Variants in TMEM132C observed in about 807,000 individuals in gnomAD.
The protein encoded by TMEM132C is transmembrane protein 132C, also known as protein phosphatase 1, regulatory subunit 152.
TMEM132C carries 29 observed loss-of-function variants against 61.4 expected under a neutral mutation model. The ratio of observed to expected loss-of-function variants is 0.47; its 90% CI spans 0.35 to 0.64. The LOEUF (loss-of-function observed/expected upper bound fraction) is 0.64. TMEM132C is among the 30% of genes least tolerant of loss of function. The pLI, the probability that TMEM132C is intolerant of heterozygous loss-of-function variation, is 0.00. For missense variants in TMEM132C, 1,408 were observed against 1,476.9 expected (o/e 0.95, Z 0.76); for synonymous variants, 656 against 633.1 (o/e 1.04, Z -0.54).
chr12:128,558,627 C>T (rs1034499383), intron 3 of TMEM132C, among the ~76,000 whole-genome samples: 1 of 152,270 alleles, frequency 6.6e-6, no homozygotes, highest in Non-Finnish European at 1.5e-5. Flanking sequence ...CACATGCCAA[C>T]CACTGAGCTA....
chr12:128,325,404 C>T (rs188269611), intron 1 of TMEM132C, among the ~76,000 whole-genome samples: 10 of 152,194 alleles, frequency 6.6e-5, no homozygotes, highest in Admixed American at 1.3e-4. Context: ...GATCACCATT[C>T]GCCGTTTGCT....
At chr12:128,692,042 G>A (rs935000041) in intron 5 of TMEM132C, among the ~76,000 whole-genome samples, 3 of 146,236 alleles carry the variant, frequency 2.1e-5, no homozygotes, top group Non-Finnish European at 4.5e-5. Flanking sequence ...CTATCCAGCT[G>A]TCTACCCATT....
chr12:128,644,223 G>C (rs1439318187), intron 4 of TMEM132C, among the ~76,000 whole-genome samples: 1 of 152,188 alleles, frequency 6.6e-6, no homozygotes, highest in African/African-American at 2.4e-5. Context: ...ATGTATGCTT[G>C]TCATACAACC....
Position 128,270,754 on chromosome 12 carries a change from G to T in TMEM132C, c.85+3267G>T, listed in dbSNP as rs552577317. Among the ~76,000 whole-genome samples, 8 of 152,094 alleles carry T rather than the reference G, an allele frequency of 5.3e-5. No individual in the cohort carries two copies. In the East Asian group the frequency reaches 1.5e-3, roughly 29 times the overall value. On this transcript the variant is annotated intron_variant, in intron 1 of 8. Coordinates refer to ENST00000435159, the MANE Select transcript of TMEM132C (RefSeq NM_001136103.3). ...CTTGTCCCTTCTTATCCCTCAAGTC[G>T]AAATTCCTTACTGTGTTTTAGCCTC...
At chr12:128,620,219 T>A (rs1482988444) in intron 4 of TMEM132C, among the ~76,000 whole-genome samples, 1 of 116,658 alleles carries the variant, frequency 8.6e-6, no homozygotes, top group Non-Finnish European at 1.6e-5. Context: ...GGCAACAGAA[T>A]GAGACCCTGT....
chr12:128,389,081 T>C (rs2135997907), intron 1 of TMEM132C, among the ~76,000 whole-genome samples: 1 of 152,140 alleles, frequency 6.6e-6, no homozygotes, highest in Middle Eastern at 3.4e-3. Flanking sequence ...CAGAAATGAG[T>C]CCGGGGTACC....
At position 128,342,163 on chromosome 12, in the gene TMEM132C, C is replaced by T. The variant is rs554667552; in HGVS notation, c.86-72569C>T. 1.0e-3 allele frequency among the ~76,000 whole-genome samples: 154 copies of T among 152,218 alleles called. 1 individual carries two copies. The highest frequency in any genetic ancestry group is 3.7e-3 in the African/African-American group (153 of 41,558). On this transcript the variant is annotated intron_variant, in intron 1 of 8. Coordinates refer to ENST00000435159, the MANE Select transcript of TMEM132C (RefSeq NM_001136103.3). Reference sequence around the variant, plus strand: ...AGCTGGGACTACAGGTGCACAACACCACGCCCGGCTAATTTTTGTATTTTT... The same window carrying T: ...AGCTGGGACTACAGGTGCACAACACTACGCCCGGCTAATTTTTGTATTTTT...
chr12:128,455,932 G>A (rs184189629), intron 2 of TMEM132C, among the ~76,000 whole-genome samples: 20 of 152,326 alleles, frequency 1.3e-4, no homozygotes, highest in African/African-American at 3.8e-4. Context: ...ATCTTGTGCT[G>A]AGTGTTTATA....
intron 1 of TMEM132C, among the ~76,000 whole-genome samples, chr12:128,324,531 A>G (rs1872442126): frequency 6.6e-6 from 1 of 152,198 alleles, no homozygotes. Context: ...AGTTAAAACC[A>G]GTCGGTTTTT....
At chr12:128,399,095 A>G (rs966450556) in intron 1 of TMEM132C, among the ~76,000 whole-genome samples, 1 of 152,226 alleles carries the variant, frequency 6.6e-6, no homozygotes, top group Non-Finnish European at 1.5e-5. Context: ...TAATATAATC[A>G]TTCTAAATGC....
intron 3 of TMEM132C, among the ~76,000 whole-genome samples, chr12:128,598,239 G>A (rs1377019808): frequency 6.6e-6 from 1 of 152,048 alleles, no homozygotes; most frequent in Non-Finnish European, 1.5e-5. Flanking sequence ...CAACATGGCG[G>A]AACCCCAACT....
intron 4 of TMEM132C, among the ~76,000 whole-genome samples, chr12:128,643,122 C>A (rs1413503650): frequency 2.6e-5 from 4 of 152,120 alleles, no homozygotes; most frequent in Non-Finnish European, 5.9e-5. Flanking sequence ...AAGAAAGAGA[C>A]AAGATCCTCT....
At chr12:128,514,539 C>A (rs1323929902) in intron 2 of TMEM132C, among the ~76,000 whole-genome samples, 1 of 151,870 alleles carries the variant, frequency 6.6e-6, no homozygotes, top group Admixed American at 6.6e-5. Context: ...GGTGCGGGGG[C>A]GACGCAATTT....
chr12:128,595,380 G>A (rs1875908603), intron 3 of TMEM132C, among the ~76,000 whole-genome samples: 1 of 152,156 alleles, frequency 6.6e-6, no homozygotes. Flanking sequence ...CCAAAGTGTT[G>A]GTGCCAAATA....
In TMEM132C at chr12:128,386,928, A is replaced by C. The variant is rs563739720; in HGVS notation, c.86-27804A>C. Among the ~76,000 whole-genome samples, 190 of 152,252 alleles carry C rather than the reference A, an allele frequency of 1.2e-3. 2 individuals carry two copies. Among genetic ancestry groups the C allele is most frequent in the Non-Finnish European group, 2.0e-3 (138 of 68,022 alleles). The stretch of plus-strand genomic sequence containing the variant: ...AGAATCCCTTGAAGCCAGGAGTTTG[A>C]GACCAACCCGGGCAACGTAGTGAGA... On this transcript the variant is annotated intron_variant, in intron 1 of 8. Coordinates refer to ENST00000435159, the MANE Select transcript of TMEM132C (RefSeq NM_001136103.3).
chr12:128,445,407 T>C (rs1012327076), intron 2 of TMEM132C, among the ~76,000 whole-genome samples: 5 of 152,194 alleles, frequency 3.3e-5, no homozygotes, highest in African/African-American at 1.2e-4. Flanking sequence ...TTGTTGTCTT[T>C]TTGCGAGGCA....
chr12:128,670,361 A>C (rs1954520066), intron 5 of TMEM132C, among the ~76,000 whole-genome samples: 1 of 152,150 alleles, frequency 6.6e-6, no homozygotes, highest in Non-Finnish European at 1.5e-5. Flanking sequence ...TTATACCAAA[A>C]AATTGCTTGA....
intron 2 of TMEM132C, among the ~76,000 whole-genome samples, chr12:128,466,520 G>A (rs1035314204): frequency 2.6e-5 from 4 of 152,122 alleles, no homozygotes; most frequent in African/African-American, 9.7e-5. Flanking sequence ...TGCACCTGGA[G>A]GGCTACACTT....
intron 2 of TMEM132C, among the ~76,000 whole-genome samples, chr12:128,455,636 A>G (rs1011939927): frequency 5.3e-5 from 8 of 152,228 alleles, no homozygotes; most frequent in Non-Finnish European, 8.8e-5. Context: ...ATGAATAGAA[A>G]CATATTATAA....
Sources: allele counts gnomAD v4.1 joint callset (sites outside exome capture counted in the v4.1 genomes callset), GRCh38; gene constraint gnomAD v4.1.1; transcripts MANE v1.5; gene names NCBI Gene and HGNC (gene_info 2026-07-23, HGNC 2026-07-21).